The following STON1 variants were observed in gnomAD, a reference collection of about 807,000 sequenced individuals.
STON1 encodes stonin 1.
Under a neutral mutation model 60.9 loss-of-function variants are expected in STON1, and 79 were observed. That is an observed-to-expected ratio of 1.30 (90% CI 1.08 to 1.56). STON1 has a LOEUF of 1.56. Ranked by LOEUF, STON1 falls within the 40% of genes most tolerant of loss-of-function variation. The pLI is 0.00. For synonymous variants in STON1, 363 were observed against 306.9 expected, an observed-to-expected ratio of 1.18 and a Z score of -1.91; for missense variants, 1,166 against 858.9, an observed-to-expected ratio of 1.36 and a Z score of -4.47.
chr2:48,591,168 G>C (rs7598425), intron 2 of STON1, among the ~76,000 whole-genome samples: 149,288 of 150,640 alleles, frequency 0.99, 73,984 homozygotes, highest in East Asian at 1. Context: ...TTAAGTTTAA[G>C]CATATTACTA....
Position 48,592,466 on chromosome 2 carries a change from C to T in STON1, c.2133+611C>T, listed in dbSNP as rs565673451. On this transcript the variant is annotated intron_variant, in intron 3 of 3. Transcript: ENST00000404752. ...TTTTTTTTTAAGACGGCATCTCACTCTGTCACCCAGGCTGGAGTGCAGTGG... is the reference window on the plus strand; with the variant it reads ...TTTTTTTTTAAGACGGCATCTCACTTTGTCACCCAGGCTGGAGTGCAGTGG... Among the ~76,000 whole-genome samples the T allele has an allele frequency of 2.4e-4, 37 of 151,376 alleles. No homozygotes were observed. The South Asian group carries it at 4.2e-3, about 17-fold the overall frequency.
chr2:48,564,889 C>A (rs1168737713), intron 1 of STON1, among the ~76,000 whole-genome samples: 1 of 149,336 alleles, frequency 6.7e-6, no homozygotes, highest in Admixed American at 6.7e-5. Context: ...TGCACCACCA[C>A]GCCCGGCTAA....
intron 1 of STON1, among the ~76,000 whole-genome samples, chr2:48,569,540 AT>A (rs1014745850): frequency 3.3e-5 from 5 of 152,216 alleles, no homozygotes; most frequent in African/African-American, 1.2e-4. Context: ...AGCTTTTTGT[AT>A]TTGTGTCACA....
chr2:48,592,240 A>C (rs1674563331), intron 3 of STON1, among the ~76,000 whole-genome samples: 1 of 152,138 alleles, frequency 6.6e-6, no homozygotes, highest in East Asian at 1.9e-4. Flanking sequence ...AATTAATGTT[A>C]AATAAAGGCT....
In STON1 at chr2:48,580,596, A is replaced by T. The variant is rs774517952; in HGVS notation, c.-38A>T. On this transcript the variant is annotated 5_prime_UTR_variant, in exon 2 of 4. Coordinates refer to ENST00000404752, the MANE Select transcript of STON1 (RefSeq NM_006873.4). ...TTTATTTTTTTAACAGAGTCAACCT[A>T]TTTGATTTCTTGACAAGACCACAAT... is the stretch of plus-strand genomic sequence containing the variant. 7.6e-7 allele frequency: 1 copy of T among 1,322,330 alleles called. No individual in the cohort carries two copies. The highest frequency in any genetic ancestry group is 9.7e-7 in the Non-Finnish European group (1 of 1,027,648). The allele number at this position is 1,322,330 out of a possible 1,614,324, so 81.9% of individuals were successfully genotyped here.
chr2:48,585,602 C>G (rs1460263324), intron 2 of STON1, among the ~76,000 whole-genome samples: 2 of 152,184 alleles, frequency 1.3e-5, no homozygotes, highest in African/African-American at 4.8e-5. Context: ...TTTGCATCAT[C>G]ATGCCAGAGA....
intron 1 of STON1, among the ~76,000 whole-genome samples, chr2:48,547,050 T>C (rs1671890044): frequency 6.6e-6 from 1 of 152,140 alleles, no homozygotes; most frequent in Non-Finnish European, 1.5e-5. Flanking sequence ...CTATGGAAAA[T>C]ATACTCAGAA....
intron 1 of STON1, among the ~76,000 whole-genome samples, chr2:48,539,309 CTTG>C (rs1671562881): frequency 6.6e-6 from 1 of 152,012 alleles, no homozygotes; most frequent in Admixed American, 6.6e-5. Flanking sequence ...AAATAAACAG[CTTG>C]TTCTTATCTA....
rs897800891 is a variant in STON1, at chr2:48,598,220, A to C, written c.*2918A>C. ...TCCACTAAAAAAAGATATGTAAAAA[A>C]GATACTTTCCAGCACATAAATAAAG... On this transcript the variant is annotated 3_prime_UTR_variant, in exon 4 of 4. Coordinates refer to ENST00000404752, the MANE Select transcript of STON1 (RefSeq NM_006873.4). The C allele has an allele frequency of 6.6e-6, 1 of 152,256 alleles. No homozygotes were observed. Among genetic ancestry groups the C allele is most frequent in the African/African-American group, 2.4e-5 (1 of 41,448 alleles). 9.4% of individuals were successfully genotyped at this position (152,256 alleles called of 1,614,324 possible).
chr2:48,562,901 C>G (rs530206501), intron 1 of STON1, among the ~76,000 whole-genome samples: 8 of 152,202 alleles, frequency 5.3e-5, no homozygotes, highest in Non-Finnish European at 1.0e-4. Flanking sequence ...ATAACTTGGA[C>G]AACACTTGGT....
At chr2:48,539,721 C>T (rs1671581702) in intron 1 of STON1, among the ~76,000 whole-genome samples, 1 of 152,066 alleles carries the variant, frequency 6.6e-6, no homozygotes, top group African/African-American at 2.4e-5. Flanking sequence ...GATCAATGGG[C>T]CTCAGCTTTC....
At chr2:48,580,556 C>G (rs1673812515) in intron 1 of STON1, 31 bp from the exon 2 acceptor site, 3 of 1,318,264 alleles carry the variant, frequency 2.3e-6, no homozygotes, top group South Asian at 3.1e-5. Flanking sequence ...TTTTATATAC[C>G]TATTTTCTCT....
rs559838234 is a variant in STON1 at position 48,581,432 on chromosome 2, C to G, written c.799C>G (p.Leu267Val). ...ENASSFVPHT[L>V]FRSQPKSGWS... ...TGCCTCTTCCTTTGTCCCCCACACA[C>G]TCTTCAGGAGTCAGCCAAAATCCGG... Residue 267 changes from leucine to valine, a missense_variant, in exon 2 of 4, where the codon CTC becomes GTC. Physicochemically the swap from Leu to Val is conservative, Grantham distance 32 (BLOSUM62 1). Coordinates refer to ENST00000404752, the MANE Select transcript of STON1 (RefSeq NM_006873.4). The G allele has an allele frequency of 1.2e-6, 2 of 1,613,928 alleles. No homozygotes were observed. Among genetic ancestry groups the G allele is most frequent in the Admixed American group, 1.7e-5 (1 of 60,014 alleles).
chr2:48,586,388 A>G (rs1477149311), intron 2 of STON1, among the ~76,000 whole-genome samples: 2 of 152,238 alleles, frequency 1.3e-5, no homozygotes, highest in Non-Finnish European at 2.9e-5. Context: ...ACAGTCTAGA[A>G]GGTGAGACAG....
At chr2:48,572,621 C>G (rs915218568) in intron 1 of STON1, among the ~76,000 whole-genome samples, 4 of 152,178 alleles carry the variant, frequency 2.6e-5, no homozygotes, top group Non-Finnish European at 5.9e-5. Context: ...AATTTTGAAG[C>G]TACAAGGAAA....
At position 48,581,125 on chromosome 2, in the gene STON1, A is replaced by T. The variant is rs1673855490; in HGVS notation, c.492A>T (p.Gly164=). ...EVNPQQAESL[G]FQSDDLPQFQ... is the part of the protein sequence containing the mutation. ...ATCCTCAACAGGCTGAAAGCCTAGG[A>T]TTCCAAAGTGATGATCTCCCCCAGT... The change falls in exon 2 of 4, where the codon GGA becomes GGT. Residue 164 remains glycine (G), a synonymous_variant. Coordinates refer to ENST00000404752, the MANE Select transcript of STON1 (RefSeq NM_006873.4). 6.3e-7 allele frequency: 1 copy of T among 1,589,414 alleles called. No individual in the cohort carries two copies. The highest frequency in any genetic ancestry group is 1.9e-5 in the Admixed American group (1 of 54,044).
intron 2 of STON1, 22 bp from the exon 3 acceptor site, chr2:48,591,631 A>T: frequency 6.2e-7 from 1 of 1,610,372 alleles, no homozygotes; most frequent in Non-Finnish European, 8.5e-7. Context: ...TACTTTGACT[A>T]TTTGATTTTT....
intron 1 of STON1, among the ~76,000 whole-genome samples, chr2:48,547,855 A>T (rs940575226): frequency 6.6e-6 from 1 of 152,220 alleles, no homozygotes; most frequent in Admixed American, 6.5e-5. Flanking sequence ...GGTCTCCTTC[A>T]TTGGAAGAGT....
intron 1 of STON1, among the ~76,000 whole-genome samples, chr2:48,543,529 C>CTTTT (rs869048449): frequency 4.7e-5 from 6 of 128,210 alleles, no homozygotes; most frequent in East Asian, 2.2e-4. Context: ...TTAAAGATAA[C>CTTTT]TTTTTTTTTT....
Sources: allele counts gnomAD v4.1 joint callset (sites outside exome capture counted in the v4.1 genomes callset), GRCh38; gene constraint gnomAD v4.1.1; transcripts MANE v1.5; gene names NCBI Gene and HGNC (gene_info 2026-07-23, HGNC 2026-07-21).